Variants in ERCC4 observed in about 807,000 individuals in gnomAD.
ERCC4 encodes ERCC excision repair 4, endonuclease catalytic subunit.
A neutral mutation model predicts 76.9 loss-of-function variants in ERCC4; 65 were observed. The observed-to-expected ratio is 0.84, with a 90% CI of 0.69 to 1.04. ERCC4 has a LOEUF of 1.04. ERCC4 is among the 50% of genes least tolerant of loss of function. The pLI is 0.00. For missense variants in ERCC4, 1,214 were observed against 1,128.2 expected (o/e 1.08, Z -1.09); for synonymous variants, 463 against 410.1 (o/e 1.13, Z -1.56).
chr16:13,936,817 C>G (rs1267876561), intron 8 of ERCC4, among the ~76,000 whole-genome samples: 2 of 151,692 alleles, frequency 1.3e-5, no homozygotes, highest in Non-Finnish European at 2.9e-5. Flanking sequence ...AGGAAAATAG[C>G]TTTGACTGAA....
chr16:13,948,159 A>G lies in ERCC4; in HGVS notation c.2563A>G (p.Met855Val), dbSNP rs1414640025. ...NPGPQDFLLK[M>V]PGVNAKNCRS... ...TGGTCCCCAAGACTTCTTGTTAAAA[A>G]TGCCAGGGGTGAATGCCAAAAACTG... Residue 855 changes from methionine (M) to valine (V), a missense_variant, in exon 11 of 11, where the codon ATG (methionine) becomes GTG (valine). Coordinates refer to ENST00000311895, the MANE Select transcript of ERCC4 (RefSeq NM_005236.3). The G allele has an allele frequency of 6.2e-7, 1 of 1,614,054 alleles. No homozygotes were observed. The highest frequency in any genetic ancestry group is 1.3e-5 in the African/African-American group (1 of 74,920).
At chr16:13,944,624 A>T in intron 9 of ERCC4, 99 bp from the exon 10 acceptor site, 2 of 802,374 alleles carry the variant, frequency 2.5e-6, no homozygotes, top group South Asian at 2.9e-5. Flanking sequence ...TCTTACTGCT[A>T]TCATCATGTA....
At position 13,949,677 on chromosome 16, in the gene ERCC4, T is replaced by C. The variant is rs1010353062; in HGVS notation, c.*1330T>C. The C allele has an allele frequency of 4.3e-6, 1 of 232,672 alleles. No homozygotes were observed. Among genetic ancestry groups the C allele is most frequent in the African/African-American group, 2.2e-5 (1 of 45,338 alleles). 14.4% of individuals were successfully genotyped at this position (232,672 alleles called of 1,614,324 possible). ...GAAAAAAATCTCATTCTAAACCTGATTAAGTTGGCTTTTTACGTAAGTGTA... is the reference window on the plus strand; with the variant it reads ...GAAAAAAATCTCATTCTAAACCTGACTAAGTTGGCTTTTTACGTAAGTGTA... On this transcript the variant is annotated 3_prime_UTR_variant, in exon 11 of 11. Coordinates refer to ENST00000311895, the MANE Select transcript of ERCC4 (RefSeq NM_005236.3).
At chr16:13,926,398 T>C (rs1181222581) in intron 2 of ERCC4, among the ~76,000 whole-genome samples, 163 bp from the exon 3 acceptor site, 1 of 152,240 alleles carries the variant, frequency 6.6e-6, no homozygotes, top group Non-Finnish European at 1.5e-5. Context: ...TTGTTTATAG[T>C]CAATTCCTTG....
rs2141937194 is a variant in ERCC4 at position 13,920,271 on chromosome 16, G to A, written c.106G>A (p.Ala36Thr). The A allele has an allele frequency of 1.2e-6, 2 of 1,606,568 alleles. No homozygotes were observed. Among genetic ancestry groups the A allele is most frequent in the South Asian group, 2.2e-5 (2 of 91,058 alleles). ...LLDTDGLVVC[A>T]RGLGADRLLY... ...CGACACTGACGGGCTAGTAGTGTGC[G>A]CCCGCGGGCTCGGCGCGGACCGGCT... Residue 36 changes from alanine to threonine, a missense_variant, in exon 1 of 11, where the codon GCC becomes ACC. Physicochemically the swap from Ala to Thr is moderately conservative, Grantham distance 58. Coordinates refer to ENST00000311895, the MANE Select transcript of ERCC4 (RefSeq NM_005236.3).
chr16:13,923,702 T>C (rs3136067), intron 2 of ERCC4, among the ~76,000 whole-genome samples: 36,216 of 151,536 alleles, frequency 0.24, 4,615 homozygotes, highest in Middle Eastern at 0.32. Flanking sequence ...ATTAAGTTAA[T>C]AAAATAATTT....
At chr16:13,932,365 T>G in intron 6 of ERCC4, 80 bp downstream of exon 6, 1 of 1,310,938 alleles carries the variant, frequency 7.6e-7, no homozygotes, top group Non-Finnish European at 1.1e-6. Flanking sequence ...ATTTAAAGTC[T>G]TCTTTGGCCA....
At chr16:13,939,769 G>A (rs767406677) in intron 9 of ERCC4, among the ~76,000 whole-genome samples, 7 of 152,196 alleles carry the variant, frequency 4.6e-5, no homozygotes, top group African/African-American at 7.2e-5. Context: ...GAAGGTGGTA[G>A]CCAAGATTAG....
chr16:13,920,399 G>C (rs2031948436), intron 1 of ERCC4, 27 bp downstream of exon 1: 7 of 1,539,446 alleles, frequency 4.5e-6, no homozygotes, highest in Non-Finnish European at 5.2e-6. Flanking sequence ...GCGGGAGTGA[G>C]GGGACTCCGA....
At chr16:13,922,341 C>T (rs896008461) in intron 2 of ERCC4, 130 bp downstream of exon 2, 3 of 789,276 alleles carry the variant, frequency 3.8e-6, no homozygotes, top group Non-Finnish European at 4.4e-6. Context: ...CCTACATCAC[C>T]TTTGGTAGGG....
chr16:13,940,785 G>A (rs575467989), intron 9 of ERCC4, among the ~76,000 whole-genome samples: 2 of 152,188 alleles, frequency 1.3e-5, no homozygotes, highest in African/African-American at 2.4e-5. Context: ...TACTCCAGGG[G>A]CTCAGAGCTC....
intron 9 of ERCC4, among the ~76,000 whole-genome samples, chr16:13,940,126 C>T (rs2032384454): frequency 6.6e-6 from 1 of 152,210 alleles, no homozygotes; most frequent in South Asian, 2.1e-4. Context: ...TGGCTCACGC[C>T]TGTAATCCCA....
chr16:13,920,726 G>C (rs2031957206), intron 1 of ERCC4, among the ~76,000 whole-genome samples: 1 of 151,884 alleles, frequency 6.6e-6, no homozygotes, highest in Non-Finnish European at 1.5e-5. Context: ...TGAGAGGGAA[G>C]GGAGGGGTCC....
At chr16:13,920,959 T>C (rs2031962382) in intron 1 of ERCC4, among the ~76,000 whole-genome samples, 1 of 152,052 alleles carries the variant, frequency 6.6e-6, no homozygotes, top group South Asian at 2.1e-4. Context: ...GTGAAGGGGC[T>C]CTGAGTGGTA....
rs776049363 is a variant in ERCC4 at position 13,935,609 on chromosome 16, T to C, written c.1677T>C (p.Gly559=). 1 of 1,614,158 alleles carries C rather than the reference T, an allele frequency of 6.2e-7. No individual in the cohort carries two copies. The highest frequency in any genetic ancestry group is 1.7e-5 in the Admixed American group (1 of 60,020). The change falls in exon 8 of 11, where the codon GGT becomes GGC. Residue 559 remains glycine (G), a synonymous_variant. Transcript: ENST00000311895. ...TCACTATCATCCATCCGCTTCTGGG[T>C]TGCAGCGACCCCTATGCTCTGACAA... ...EPLTIIHPLL[G]CSDPYALTRV...
intron 9 of ERCC4, among the ~76,000 whole-genome samples, chr16:13,942,164 T>A (rs2032424175): frequency 6.6e-6 from 1 of 152,248 alleles, no homozygotes; most frequent in Admixed American, 6.5e-5. Flanking sequence ...CTGAATTTTT[T>A]AATTGTTTTG....
At chr16:13,945,538 A>T (rs1224749803) in intron 10 of ERCC4, among the ~76,000 whole-genome samples, 1 of 152,262 alleles carries the variant, frequency 6.6e-6, no homozygotes, top group Non-Finnish European at 1.5e-5. Context: ...GGCCAAGTAC[A>T]GTTGAAGCAG....
At chr16:13,945,884 C>T (rs2032503785) in intron 10 of ERCC4, among the ~76,000 whole-genome samples, 1 of 152,200 alleles carries the variant, frequency 6.6e-6, no homozygotes, top group Non-Finnish European at 1.5e-5. Context: ...ATATTAGTTG[C>T]CTATGGCTGC....
At chr16:13,946,273 A>C (rs903499260) in intron 10 of ERCC4, among the ~76,000 whole-genome samples, 4 of 152,232 alleles carry the variant, frequency 2.6e-5, no homozygotes, top group Non-Finnish European at 4.4e-5. Context: ...AGGCGATTTC[A>C]TCATTACATG....
Sources: allele counts gnomAD v4.1 joint callset (sites outside exome capture counted in the v4.1 genomes callset), GRCh38; gene constraint gnomAD v4.1.1; transcripts MANE v1.5; gene names NCBI Gene and HGNC (gene_info 2026-07-23, HGNC 2026-07-21).